Variants in C9 observed in about 807,000 individuals in gnomAD.
C9 encodes the protein complement component C9.
In C9, 63 loss-of-function variants were observed where a neutral mutation model predicts 65.4. The ratio of observed to expected loss-of-function variants is 0.96; its 90% CI spans 0.79 to 1.19. The LOEUF is 1.19. Among genes scored for constraint, C9 ranks in the 50% most tolerant of loss-of-function variants. C9 has a pLI of 0.00. For missense variants in C9, 744 were observed against 670.1 expected, an observed-to-expected ratio of 1.11 and a Z score of -1.22; for synonymous variants, 229 against 227.9, an observed-to-expected ratio of 1.00 and a Z score of -0.04.
intron 1 of C9, among the ~76,000 whole-genome samples, chr5:39,363,180 G>T (rs1213804034): frequency 1.3e-5 from 2 of 152,204 alleles, no homozygotes; most frequent in Non-Finnish European, 2.9e-5. Flanking sequence ...AATCCCTTTT[G>T]TGCCCAGATG....
intron 10 of C9, among the ~76,000 whole-genome samples, chr5:39,287,410 G>T (rs886850383): frequency 6.6e-6 from 1 of 151,666 alleles, no homozygotes; most frequent in Non-Finnish European, 1.5e-5. Context: ...TTAAAAATAG[G>T]ACTACCACTC....
At chr5:39,346,232 G>A (rs527816608) in intron 1 of C9, among the ~76,000 whole-genome samples, 1 of 152,270 alleles carries the variant, frequency 6.6e-6, no homozygotes, top group African/African-American at 2.4e-5. Context: ...GAATCCAGGA[G>A]CTGGTTTTCT....
At chr5:39,314,352 G>A (rs866829881) in intron 6 of C9, among the ~76,000 whole-genome samples, 2 of 152,054 alleles carry the variant, frequency 1.3e-5, no homozygotes, top group African/African-American at 4.8e-5. Context: ...GGGAGGCTGA[G>A]GCAGGAGAAT....
rs762178311 is a variant in C9 at position 39,341,704 on chromosome 5, C to A, written c.184-4G>T. 5.0e-6 allele frequency: 8 copies of A among 1,613,766 alleles called. No individual in the cohort carries two copies. The South Asian group carries it at 8.8e-5, about 18-fold the overall frequency. ...CCTCAATGCTTCTTGAACGAAACTGCACAATATCAGTTGGAATGATTAGAA... is the reference window on the plus strand; with the variant it reads ...CCTCAATGCTTCTTGAACGAAACTGAACAATATCAGTTGGAATGATTAGAA... On this transcript the variant is annotated splice_polypyrimidine_tract_variant and splice_region_variant and intron_variant, in intron 2 of 10. Transcript: ENST00000263408.
chr5:39,298,692 T>G (rs1753230580), intron 9 of C9, among the ~76,000 whole-genome samples: 1 of 151,812 alleles, frequency 6.6e-6, no homozygotes, highest in Non-Finnish European at 1.5e-5. Context: ...ATATCAATTC[T>G]ACAAAAACTT....
chr5:39,356,344 C>A (rs994734193), intron 1 of C9, among the ~76,000 whole-genome samples: 7 of 152,198 alleles, frequency 4.6e-5, no homozygotes, highest in African/African-American at 1.7e-4. Flanking sequence ...TCCCCCAAAC[C>A]TAAATCCTCT....
At position 39,342,116 on chromosome 5, in the gene C9, T is replaced by C; in HGVS notation, c.158A>G (p.Gln53Arg). The stretch of plus-strand genomic sequence containing the variant: ...CATTTGTCTGAGACAAGGATCGCAT[T>C]GTGACCATTCACTCCAGGGGCTCAT... ...CRMSPWSEWSQCDPCLRQMFR... is the reference protein window; with the variant it reads ...CRMSPWSEWSRCDPCLRQMFR... Residue 53 changes from glutamine to arginine, a missense_variant, in exon 2 of 11, where the codon CAA (glutamine) becomes CGA (arginine). Gln to Arg is a conservative substitution (Grantham distance 43, BLOSUM62 1). Coordinates refer to ENST00000263408, the MANE Select transcript of C9 (RefSeq NM_001737.5). 6.2e-7 allele frequency: 1 copy of C among 1,600,952 alleles called. No individual in the cohort carries two copies. The highest frequency in any genetic ancestry group is 1.1e-5 in the South Asian group (1 of 90,852).
intron 1 of C9, among the ~76,000 whole-genome samples, chr5:39,344,989 C>G (rs1370587331): frequency 6.6e-6 from 1 of 152,116 alleles, no homozygotes; most frequent in African/African-American, 2.4e-5. Context: ...TTTGTCACCA[C>G]CAGCCCTGCC....
At chr5:39,322,337 G>A (rs1753678383) in intron 5 of C9, among the ~76,000 whole-genome samples, 1 of 151,870 alleles carries the variant, frequency 6.6e-6, no homozygotes, top group Non-Finnish European at 1.5e-5. Flanking sequence ...TGCAGCATAA[G>A]CAGTTCTAAC....
Position 39,301,453 on chromosome 5 carries a change from G to A in C9, c.1416+5164C>T, listed in dbSNP as rs28459252. On this transcript the variant is annotated intron_variant, in intron 9 of 10. Coordinates refer to ENST00000263408, the MANE Select transcript of C9 (RefSeq NM_001737.5). ...AAATTTGTACAAAACCTGTGCTTTAGCTAATTACTCAGTGTGAATTTTCTG... is the reference window on the plus strand; with the variant it reads ...AAATTTGTACAAAACCTGTGCTTTAACTAATTACTCAGTGTGAATTTTCTG... 3.5e-3 allele frequency among the ~76,000 whole-genome samples: 532 copies of A among 152,044 alleles called. 4 individuals are homozygous for A. Among genetic ancestry groups the A allele is most frequent in the African/African-American group, 0.012 (503 of 41,510 alleles).
At chr5:39,329,769 T>G (rs933185625) in intron 5 of C9, among the ~76,000 whole-genome samples, 2 of 152,198 alleles carry the variant, frequency 1.3e-5, no homozygotes, top group Non-Finnish European at 2.9e-5. Context: ...AAGTATAATA[T>G]GTATAATTTG....
Position 39,344,402 on chromosome 5 carries a change from A to G in C9, c.78-2206T>C, listed in dbSNP as rs573513120. Among the ~76,000 whole-genome samples the G allele has an allele frequency of 1.8e-4, 28 of 152,352 alleles. No homozygotes were observed. The South Asian group carries it at 5.4e-3, about 29-fold the overall frequency. On this transcript the variant is annotated intron_variant, in intron 1 of 10. Transcript: ENST00000263408. ...ACAAGCTTCAGTAGCTGATTCGATC[A>G]ACTGGAAGAAAGGGTATCAGTGATT...
chr5:39,320,721 T>C (rs1753651610), intron 5 of C9, among the ~76,000 whole-genome samples: 1 of 152,126 alleles, frequency 6.6e-6, no homozygotes, highest in African/African-American at 2.4e-5. Context: ...GATCTTCACT[T>C]AGACATATTA....
intron 4 of C9, among the ~76,000 whole-genome samples, chr5:39,340,265 G>A (rs1231497403): frequency 6.6e-6 from 1 of 152,170 alleles, no homozygotes; most frequent in Non-Finnish European, 1.5e-5. Flanking sequence ...TACATTATAG[G>A]TGAGGAAATA....
In C9 at chr5:39,331,743, C is replaced by A. The variant is rs746167876; in HGVS notation, c.548G>T (p.Arg183Leu). ...TGTCAGAGTGTTTCCATCCCGATCCCGGTTACAGAGTCCATTGTAGAACTC... is the reference window on the plus strand; with the variant it reads ...TGTCAGAGTGTTTCCATCCCGATCCAGGTTACAGAGTCCATTGTAGAACTC... ...DNEFYNGLCNRDRDGNTLTYY... is the reference protein window; with the variant it reads ...DNEFYNGLCNLDRDGNTLTYY... Residue 183 changes from arginine (R) to leucine (L), a missense_variant, in exon 5 of 11, where the codon CGG becomes CTG. Transcript: ENST00000263408. 6.2e-7 allele frequency: 1 copy of A among 1,613,316 alleles called. No homozygotes were observed. Among genetic ancestry groups the A allele is most frequent in the South Asian group, 1.1e-5 (1 of 91,050 alleles).
chr5:39,340,698 C>T (rs1375485252), intron 4 of C9, among the ~76,000 whole-genome samples: 1 of 152,142 alleles, frequency 6.6e-6, no homozygotes, highest in Non-Finnish European at 1.5e-5. Flanking sequence ...TGGGTCAGCT[C>T]CAGAATGCTG....
At chr5:39,353,441 A>C (rs1754357793) in intron 1 of C9, among the ~76,000 whole-genome samples, 1 of 152,202 alleles carries the variant, frequency 6.6e-6, no homozygotes, top group Non-Finnish European at 1.5e-5. Context: ...GCTACACTGA[A>C]CATTAAAATT....
intron 9 of C9, among the ~76,000 whole-genome samples, chr5:39,306,095 G>A (rs937064255): frequency 6.6e-6 from 1 of 151,242 alleles, no homozygotes; most frequent in African/African-American, 2.4e-5. Flanking sequence ...CTCGGAAGGC[G>A]GAGGTTGCAG....
chr5:39,342,634 C>T (rs1010542789), intron 1 of C9, among the ~76,000 whole-genome samples: 1 of 152,132 alleles, frequency 6.6e-6, no homozygotes, highest in Non-Finnish European at 1.5e-5. Flanking sequence ...ACCTCATTCT[C>T]TTGCAAATTT....
Sources: gnomAD v4.1 joint callset for allele counts (sites outside exome capture counted in the v4.1 genomes callset) on GRCh38, gnomAD v4.1.1 for gene constraint, MANE v1.5 for transcripts, NCBI Gene and HGNC (gene_info 2026-07-23, HGNC 2026-07-21) for gene names.